Variants in TLK2 observed in about 807,000 individuals in gnomAD.
TLK2 encodes the protein tousled like kinase 2.
TLK2 carries 6 observed loss-of-function variants against 117.3 expected under a neutral mutation model. That is an observed-to-expected ratio of 0.05 (90% CI 0.03 to 0.10). The LOEUF (loss-of-function observed/expected upper bound fraction) is 0.10, where lower values mean the gene tolerates loss of function less well. Ranked by LOEUF, TLK2 falls within the 10% of genes least tolerant of loss-of-function variation. The pLI is 1.00. For synonymous variants in TLK2, 257 were observed against 316.7 expected (o/e 0.81, Z 2.00); for missense variants, 299 against 901.2 (o/e 0.33, Z 8.56).
chr17:62,508,988 C>T (rs2074940034), intron 2 of TLK2, among the ~76,000 whole-genome samples: 1 of 151,748 alleles, frequency 6.6e-6, no homozygotes, highest in Admixed American at 6.6e-5. Flanking sequence ...ACAACAAAAC[C>T]AGAATAGACT....
At chr17:62,532,590 G>C (rs1304237702) in intron 6 of TLK2, among the ~76,000 whole-genome samples, 6 of 152,106 alleles carry the variant, frequency 3.9e-5, no homozygotes, top group Admixed American at 3.9e-4. Context: ...TGCAGATTAT[G>C]AAAGTTCAAC....
chr17:62,499,426 G>A (rs1200570304), intron 2 of TLK2, among the ~76,000 whole-genome samples: 1 of 151,970 alleles, frequency 6.6e-6, no homozygotes, highest in Middle Eastern at 3.2e-3. Flanking sequence ...CAGCCTCCCG[G>A]AGTGTTGGGA....
chr17:62,584,816 A>C lies in TLK2; in HGVS notation c.1369-1319A>C, dbSNP rs1199449278. Reference sequence around the variant, plus strand: ...TCTACATGCAGTGCTTATCCAGAGAAACTTAGGTTTAGATAGATCTGTAAA... The same window carrying C: ...TCTACATGCAGTGCTTATCCAGAGACACTTAGGTTTAGATAGATCTGTAAA... On this transcript the variant is annotated intron_variant, in intron 15 of 21. Transcript: ENST00000346027. 2.0e-5 allele frequency among the ~76,000 whole-genome samples: 3 copies of C among 152,324 alleles called. No individual in the cohort carries two copies. The East Asian group carries it at 5.8e-4, about 29-fold the overall frequency.
At chr17:62,551,444 G>A (rs542460110) in intron 7 of TLK2, among the ~76,000 whole-genome samples, 7 of 152,168 alleles carry the variant, frequency 4.6e-5, no homozygotes, top group African/African-American at 1.4e-4. Flanking sequence ...GGTGGCTCAC[G>A]CCTGTAATCC....
intron 2 of TLK2, among the ~76,000 whole-genome samples, chr17:62,497,138 GT>G (rs2073781100): frequency 6.6e-6 from 1 of 151,840 alleles, no homozygotes; most frequent in Non-Finnish European, 1.5e-5. Flanking sequence ...TGTGCCTATA[GT>G]CCCATCTGCA....
At chr17:62,596,233 G>A (rs979362425) in intron 16 of TLK2, among the ~76,000 whole-genome samples, 9 of 152,006 alleles carry the variant, frequency 5.9e-5, no homozygotes, top group African/African-American at 1.7e-4. Context: ...GCACCACTAC[G>A]CCCAGCTAAG....
At chr17:62,491,066 T>C (rs1293519893) in intron 2 of TLK2, among the ~76,000 whole-genome samples, 1 of 152,122 alleles carries the variant, frequency 6.6e-6, no homozygotes, top group South Asian at 2.1e-4. Flanking sequence ...TGGTCTTGTG[T>C]CTCTGGATTC....
chr17:62,538,202 A>G (rs2077252866), intron 7 of TLK2, among the ~76,000 whole-genome samples: 1 of 150,344 alleles, frequency 6.7e-6, no homozygotes, highest in African/African-American at 2.4e-5. Flanking sequence ...CGCCTGGCTA[A>G]TTTTTTGTAT....
intron 19 of TLK2, among the ~76,000 whole-genome samples, chr17:62,603,720 T>C (rs910845294): frequency 2.6e-5 from 4 of 152,158 alleles, no homozygotes; most frequent in African/African-American, 9.7e-5. Flanking sequence ...TGGTGCTTAC[T>C]TAGGGGGTCA....
At chr17:62,494,935 G>A (rs1208386120) in intron 2 of TLK2, among the ~76,000 whole-genome samples, 1 of 152,144 alleles carries the variant, frequency 6.6e-6, no homozygotes, top group Non-Finnish European at 1.5e-5. Context: ...GGAGACCGAG[G>A]CAGGTGAATC....
At chr17:62,597,839 G>A (rs1250766503) in intron 17 of TLK2, among the ~76,000 whole-genome samples, 1 of 152,180 alleles carries the variant, frequency 6.6e-6, no homozygotes, top group African/African-American at 2.4e-5. Flanking sequence ...TTATCCAGCA[G>A]TTTAGCTGGA....
chr17:62,478,502 C>T (rs1259884731), upstream of TLK2, among the ~76,000 whole-genome samples: 1 of 149,840 alleles, frequency 6.7e-6, no homozygotes, highest in African/African-American at 2.4e-5. Context: ...CGGGCAGTCG[C>T]AGGGCGCCCC....
At chr17:62,483,402 T>A (rs964162066) in intron 2 of TLK2, among the ~76,000 whole-genome samples, 1 of 152,228 alleles carries the variant, frequency 6.6e-6, no homozygotes, top group Non-Finnish European at 1.5e-5. Context: ...GTAACTAAGG[T>A]ATCAGAAAAC....
chr17:62,521,746 A>G (rs1342035498), intron 3 of TLK2, among the ~76,000 whole-genome samples: 2 of 149,468 alleles, frequency 1.3e-5, no homozygotes, highest in Non-Finnish European at 3.0e-5. Context: ...TTTTTTTTTT[A>G]TTTGGCATAT....
intron 2 of TLK2, among the ~76,000 whole-genome samples, chr17:62,509,979 T>C (rs2075017049): frequency 6.6e-6 from 1 of 152,204 alleles, no homozygotes; most frequent in Non-Finnish European, 1.5e-5. Flanking sequence ...ATTTCTGTTT[T>C]TCATAAATTA....
At position 62,606,169 on chromosome 17, in the gene TLK2, A is replaced by G. The variant is rs758347788; in HGVS notation, c.1899A>G (p.Pro633=). 2 of 1,594,572 alleles carry G rather than the reference A, an allele frequency of 1.3e-6. No individual in the cohort carries two copies. The highest frequency in any genetic ancestry group is 2.7e-5 in the African/African-American group (2 of 74,738). Residue 633 remains proline, a synonymous_variant, in exon 20 of 22, where the codon CCA becomes CCG. Transcript: ENST00000346027. ...PPECFVVGKE[P]PKISNKVDVW... ...AGTGTTTTGTGGTTGGGAAAGAACC[A>G]CCAAAGATCTCAAATAAAGTTGATG... is the stretch of plus-strand genomic sequence containing the variant.
chr17:62,584,016 A>C (rs2081405808), intron 15 of TLK2, among the ~76,000 whole-genome samples: 1 of 152,128 alleles, frequency 6.6e-6, no homozygotes, highest in East Asian at 1.9e-4. Context: ...TTTAGAATAG[A>C]AGTACAGTGT....
intron 6 of TLK2, among the ~76,000 whole-genome samples, chr17:62,525,451 A>ATTT (rs397756034): frequency 7.2e-6 from 1 of 139,356 alleles, no homozygotes. Flanking sequence ...TATATATGTA[A>ATTT]TTTTTTTTTT....
At chr17:62,473,215 T>A (rs532828282) in intron 1 of TLK2, among the ~76,000 whole-genome samples, 2 of 152,116 alleles carry the variant, frequency 1.3e-5, no homozygotes, top group African/African-American at 4.8e-5. Flanking sequence ...AAGGGCATAG[T>A]CCAGCCCAAG....
Sources: gnomAD v4.1 joint callset for allele counts (sites outside exome capture counted in the v4.1 genomes callset) on GRCh38, gnomAD v4.1.1 for gene constraint, MANE v1.5 for transcripts, NCBI Gene and HGNC (gene_info 2026-07-23, HGNC 2026-07-21) for gene names.